Variants in SYTL3 observed in about 807,000 individuals in gnomAD.
SYTL3 encodes synaptotagmin-like protein 3.
A neutral mutation model predicts 82.1 loss-of-function variants in SYTL3; 88 were observed. That is an observed-to-expected ratio of 1.07 (90% CI 0.90 to 1.28). SYTL3 has a LOEUF of 1.28. SYTL3 is among the 50% of genes most tolerant of loss of function. The pLI, the probability that SYTL3 is intolerant of heterozygous loss-of-function variation, is 0.00. For missense variants in SYTL3, 831 were observed against 757.6 expected (o/e 1.10, Z -1.14); for synonymous variants, 311 against 289.4 (o/e 1.07, Z -0.76).
intron 7 of SYTL3, 49 bp from the exon 8 acceptor site, chr6:158,708,273 G>A (rs760565780): frequency 2.1e-6 from 3 of 1,448,102 alleles, no homozygotes; most frequent in Non-Finnish European, 2.9e-6. Flanking sequence ...AAAACTAACG[G>A]CTTGCATGGT....
chr6:158,745,010 G>C (rs117296281), intron 11 of SYTL3, among the ~76,000 whole-genome samples: 1 of 152,056 alleles, frequency 6.6e-6, no homozygotes, highest in Non-Finnish European at 1.5e-5. Flanking sequence ...GATCAGTATG[G>C]TTTTTTCCAG....
chr6:158,666,092 T>C (rs1316739511), intron 5 of SYTL3, among the ~76,000 whole-genome samples: 1 of 152,228 alleles, frequency 6.6e-6, no homozygotes, highest in Non-Finnish European at 1.5e-5. Context: ...AGAACCTGTT[T>C]AAACAACAAA....
chr6:158,705,443 G>T (rs1170383820), intron 6 of SYTL3, among the ~76,000 whole-genome samples: 1 of 144,474 alleles, frequency 6.9e-6, no homozygotes, highest in East Asian at 2.0e-4. Context: ...AACACTGAGG[G>T]CCGTAAGGTC....
intron 8 of SYTL3, among the ~76,000 whole-genome samples, chr6:158,709,653 ATATG>A (rs1425249085): frequency 1.6e-4 from 25 of 152,208 alleles, no homozygotes; most frequent in Non-Finnish European, 3.5e-4. Context: ...GGGCAGGTAT[ATATG>A]GGAGAATATG....
chr6:158,686,593 C>G (rs894684287), intron 6 of SYTL3, among the ~76,000 whole-genome samples: 3 of 152,154 alleles, frequency 2.0e-5, no homozygotes, highest in African/African-American at 4.8e-5. Flanking sequence ...GGAATTCCAC[C>G]ACGCTCCTAT....
chr6:158,745,785 G>T lies in SYTL3; in HGVS notation c.1034+127G>T, dbSNP rs1352802558. On this transcript the variant is annotated intron_variant, in intron 12 of 17. Coordinates refer to ENST00000611299, the MANE Select transcript of SYTL3 (RefSeq NM_001242394.2). ...AACAAAATGAAAAGGCTTACTTCAAGTATTATTATAAAGCTGTAGCAATGC... is the reference window on the plus strand; with the variant it reads ...AACAAAATGAAAAGGCTTACTTCAATTATTATTATAAAGCTGTAGCAATGC... 3 of 777,802 alleles carry T rather than the reference G, an allele frequency of 3.9e-6. No homozygotes were observed. In the African/African-American group the frequency reaches 5.3e-5, roughly 14 times the overall value. 48.2% of individuals were successfully genotyped at this position (777,802 alleles called of 1,614,324 possible).
At chr6:158,691,395 T>A (rs565619623) in intron 6 of SYTL3, among the ~76,000 whole-genome samples, 12 of 152,228 alleles carry the variant, frequency 7.9e-5, no homozygotes, top group South Asian at 6.2e-4. Flanking sequence ...GTAACTTTTT[T>A]AATGTACTTT....
intron 12 of SYTL3, among the ~76,000 whole-genome samples, chr6:158,751,137 G>A (rs1409753775): frequency 2.0e-5 from 3 of 152,108 alleles, no homozygotes; most frequent in African/African-American, 7.2e-5. Context: ...GCTTAACCTA[G>A]GGGGAAGAAG....
At chr6:158,712,918 C>T (rs1583332539) in intron 8 of SYTL3, among the ~76,000 whole-genome samples, 1 of 152,140 alleles carries the variant, frequency 6.6e-6, no homozygotes, top group African/African-American at 2.4e-5. Context: ...GCCACCTTGC[C>T]CAGCTAATTT....
intron 6 of SYTL3, 35 bp from the exon 7 acceptor site, chr6:158,707,195 T>C: frequency 6.2e-7 from 1 of 1,607,024 alleles, no homozygotes; most frequent in Non-Finnish European, 8.5e-7. Context: ...GTGCTATTCT[T>C]AATAATAAAC....
At chr6:158,720,690 C>T (rs1006250000) in intron 10 of SYTL3, among the ~76,000 whole-genome samples, 5 of 152,152 alleles carry the variant, frequency 3.3e-5, no homozygotes, top group African/African-American at 1.2e-4. Flanking sequence ...TTGTTCTCAG[C>T]GTAATGCCCT....
At chr6:158,698,754 C>T (rs1230314221) in intron 6 of SYTL3, among the ~76,000 whole-genome samples, 1 of 152,186 alleles carries the variant, frequency 6.6e-6, no homozygotes, top group African/African-American at 2.4e-5. Flanking sequence ...TTGTTTATGT[C>T]AGATACAGCA....
At chr6:158,715,620 C>CACACACACACACACACACACAT (rs1783295529) in intron 9 of SYTL3, among the ~76,000 whole-genome samples, 1 of 138,198 alleles carries the variant, frequency 7.2e-6, no homozygotes, top group Non-Finnish European at 1.6e-5. Context: ...CACACACGCA[C>CACACACACACACACACACACAT]GCACCCAGCA....
intron 8 of SYTL3, among the ~76,000 whole-genome samples, chr6:158,709,818 GAAACATGTAA>G (rs1215179485): frequency 6.6e-6 from 1 of 152,108 alleles, no homozygotes; most frequent in African/African-American, 2.4e-5. Flanking sequence ...GGGGATTTGA[GAAACATGTAA>G]AAACATGACA....
chr6:158,726,544 A>G (rs1355595766), intron 11 of SYTL3: 1 of 196,494 alleles, frequency 5.1e-6, no homozygotes, highest in Non-Finnish European at 1.1e-5. Flanking sequence ...ATAAATACTC[A>G]TTTGTCTGGA....
At chr6:158,653,449 T>A (rs1200078682) in intron 2 of SYTL3, among the ~76,000 whole-genome samples, 1 of 151,734 alleles carries the variant, frequency 6.6e-6, no homozygotes, top group Non-Finnish European at 1.5e-5. Flanking sequence ...GAGGTTGTGG[T>A]GAGCCAAGAT....
Position 158,683,004 on chromosome 6 carries a change from CT to C in SYTL3, c.394+21del, listed in dbSNP as rs35688279. 3 of 1,572,398 alleles carry C rather than the reference CT, an allele frequency of 1.9e-6. No homozygotes were observed. Among genetic ancestry groups the C allele is most frequent in the Non-Finnish European group, 2.6e-6 (3 of 1,142,742 alleles). On this transcript the variant is annotated intron_variant, in intron 6 of 17. Transcript: ENST00000611299. ...TCCAACTGGAGGTAAATGCTCTTTA[CT>C]TTTTTAGTAAAGTAAAATGATCTAT...
At chr6:158,682,492 T>C (rs1218604473) in intron 5 of SYTL3, among the ~76,000 whole-genome samples, 1 of 151,460 alleles carries the variant, frequency 6.6e-6, no homozygotes, top group African/African-American at 2.4e-5. Context: ...CCCGAGTAGC[T>C]GGGACTACAG....
intron 6 of SYTL3, among the ~76,000 whole-genome samples, chr6:158,695,035 AAAC>A (rs1218703579): frequency 2.0e-5 from 3 of 152,222 alleles, no homozygotes; most frequent in African/African-American, 7.2e-5. Context: ...GGGAGTTGGC[AAAC>A]AACAGCCTGC....
Sources: gnomAD v4.1 joint callset for allele counts (sites outside exome capture counted in the v4.1 genomes callset) on GRCh38, gnomAD v4.1.1 for gene constraint, MANE v1.5 for transcripts, NCBI Gene and HGNC (gene_info 2026-07-23, HGNC 2026-07-21) for gene names.